ELP1: variants seen among roughly 807,000 people sequenced by gnomAD.
ELP1 encodes elongator complex protein 1.
ELP1 carries 131 observed loss-of-function variants against 183.2 expected under a neutral mutation model. The observed-to-expected ratio is 0.72, with a 90% CI of 0.62 to 0.83. The LOEUF (loss-of-function observed/expected upper bound fraction) is 0.83, where lower values mean the gene tolerates loss of function less well. Among genes scored for constraint, ELP1 ranks in the 40% least tolerant of loss-of-function variants. The probability of loss-of-function intolerance (pLI) is 0.00; values close to 1 mark genes in which losing one functional copy is unlikely to be tolerated. For missense variants in ELP1, 1,550 were observed against 1,594.9 expected (o/e 0.97, Z 0.48); for synonymous variants, 555 against 569.0 (o/e 0.98, Z 0.35).
chr9:108,917,668 G>A lies in ELP1; in HGVS notation c.743C>T (p.Pro248Leu), dbSNP rs1394468770. 5.6e-6 allele frequency: 9 copies of A among 1,610,596 alleles called. No individual in the cohort carries two copies. Among genetic ancestry groups the A allele is most frequent in the African/African-American group, 1.4e-5 (1 of 73,456 alleles). The part of the protein sequence containing the change: ...AGLGPALAWK[P>L]SGSLIASTQD... Reference sequence around the variant, plus strand: ...TGTAGATGCAATCAAACTGCCTGAGGGTCTTAAAGCAAACTCAGAGTGTTA... The same window carrying A: ...TGTAGATGCAATCAAACTGCCTGAGAGTCTTAAAGCAAACTCAGAGTGTTA... The change falls in exon 9 of 37, where the codon CCC becomes CTC. Residue 248 changes from proline to leucine, a missense_variant and splice_region_variant. Coordinates refer to ENST00000374647, the MANE Select transcript of ELP1 (RefSeq NM_003640.5).
intron 35 of ELP1, among the ~76,000 whole-genome samples, chr9:108,877,311 C>T (rs909620858): frequency 3.9e-5 from 6 of 152,160 alleles, no homozygotes; most frequent in Non-Finnish European, 8.8e-5. Flanking sequence ...CTTGTTTAGT[C>T]CTCTAATACT....
chr9:108,877,432 CTT>C (rs1475881333), intron 35 of ELP1, among the ~76,000 whole-genome samples: 1 of 152,172 alleles, frequency 6.6e-6, no homozygotes, highest in East Asian at 1.9e-4. Flanking sequence ...AATAAAAACT[CTT>C]AACAATAGAC....
intron 13 of ELP1, among the ~76,000 whole-genome samples, chr9:108,906,889 A>T (rs2132004650): frequency 6.6e-6 from 1 of 152,272 alleles, no homozygotes; most frequent in East Asian, 1.9e-4. Context: ...CCTCACATTA[A>T]ACTGACTGAC....
intron 10 of ELP1, among the ~76,000 whole-genome samples, 173 bp downstream of exon 10, chr9:108,916,031 A>G (rs866704107): frequency 6.6e-6 from 1 of 152,054 alleles, no homozygotes; most frequent in South Asian, 2.1e-4. Flanking sequence ...CAACCAATAC[A>G]TGACTGAAAT....
At chr9:108,903,466 A>C (rs1004033164) in intron 15 of ELP1, 97 bp downstream of exon 15, 1 of 883,734 alleles carries the variant, frequency 1.1e-6, no homozygotes, top group African/African-American at 1.6e-5. Flanking sequence ...AAAAGACCTG[A>C]CAATCAATAT....
intron 36 of ELP1, among the ~76,000 whole-genome samples, chr9:108,871,637 A>G (rs1052798550): frequency 1.1e-4 from 16 of 152,198 alleles, no homozygotes; most frequent in Non-Finnish European, 1.8e-4. Flanking sequence ...TTTTCCTATT[A>G]TCCAGACATT....
rs1164234461 is a variant in ELP1 at position 108,934,071 on chromosome 9, G to A, written c.-263C>T. ...GGGGAAAACGCTGAAGCGCTGCAAAGAAGCCAGCGACTCAATGGGTGCGTC... is the reference window on the plus strand; with the variant it reads ...GGGGAAAACGCTGAAGCGCTGCAAAAAAGCCAGCGACTCAATGGGTGCGTC... On this transcript the variant is annotated 5_prime_UTR_variant, in exon 1 of 37. Transcript: ENST00000374647. 3 of 186,328 alleles carry A rather than the reference G, an allele frequency of 1.6e-5. No individual in the cohort carries two copies. The highest frequency in any genetic ancestry group is 7.2e-5 in the African/African-American group (3 of 41,610). 11.5% of individuals were successfully genotyped at this position (186,328 alleles called of 1,614,324 possible).
chr9:108,889,672 C>G lies in ELP1; in HGVS notation c.3161-279G>C. Reference sequence around the variant, plus strand: ...GGTATCTCTCACTAAACCACTTCGTCCCTTAACAGTAAGAGACCACTATTT... The same window carrying G: ...GGTATCTCTCACTAAACCACTTCGTGCCTTAACAGTAAGAGACCACTATTT... On this transcript the variant is annotated intron_variant, in intron 28 of 36. Transcript: ENST00000374647. 3 of 481,886 alleles carry G rather than the reference C, an allele frequency of 6.2e-6. No individual in the cohort carries two copies. The South Asian group carries it at 6.4e-5, about 10-fold the overall frequency. 29.9% of individuals were successfully genotyped at this position (481,886 alleles called of 1,614,324 possible). A position where few individuals can be genotyped will look rare whatever the true frequency, so the allele number is the denominator to read the frequency against.
intron 10 of ELP1, among the ~76,000 whole-genome samples, chr9:108,914,725 A>G (rs1829366922): frequency 6.6e-6 from 1 of 152,066 alleles, no homozygotes; most frequent in African/African-American, 2.4e-5. Flanking sequence ...CTCCAGGTTC[A>G]CACCATTCTC....
At chr9:108,923,249 G>C (rs930517074) in intron 5 of ELP1, among the ~76,000 whole-genome samples, 4 of 152,130 alleles carry the variant, frequency 2.6e-5, no homozygotes, top group African/African-American at 9.7e-5. Flanking sequence ...GCACACACCT[G>C]TGGTCCCAGC....
intron 35 of ELP1, among the ~76,000 whole-genome samples, chr9:108,876,065 G>A (rs1041429701): frequency 1.3e-5 from 2 of 152,110 alleles, no homozygotes; most frequent in African/African-American, 4.8e-5. Flanking sequence ...TTGAGCCCAG[G>A]AGTTGTTCAA....
At chr9:108,922,962 CATGAA>C in intron 5 of ELP1, 35 bp from the exon 6 acceptor site, 1 of 1,484,994 alleles carries the variant, frequency 6.7e-7, no homozygotes, top group Non-Finnish European at 9.4e-7. Flanking sequence ...TAATAAGCCA[CATGAA>C]ATGAAACAAA....
In ELP1 at chr9:108,900,268, C is replaced by T; in HGVS notation, c.2122G>A (p.Val708Ile). 1.2e-6 allele frequency: 2 copies of T among 1,612,710 alleles called. No individual in the cohort carries two copies. The highest frequency in any genetic ancestry group is 1.7e-6 in the Non-Finnish European group (2 of 1,178,658). The change falls in exon 19 of 37, where the codon GTA becomes ATA. Residue 708 changes from valine (V) to isoleucine (I), a missense_variant. Physicochemically the swap from Val to Ile is conservative, Grantham distance 29. Coordinates refer to ENST00000374647, the MANE Select transcript of ELP1 (RefSeq NM_003640.5). ...CTGAAAAACCAGCTTACCTGTAATA[C>T]AAGCTTTGTGTCCTGGGGCACAACA... is the stretch of plus-strand genomic sequence containing the variant. The part of the protein sequence containing the change: ...VTVVPQDTKL[V>I]LQMPRGNLEV...
intron 28 of ELP1, 96 bp from the exon 29 acceptor site, chr9:108,889,489 T>C (rs1828243817): frequency 1.8e-6 from 2 of 1,137,002 alleles, no homozygotes; most frequent in Admixed American, 1.7e-5. Context: ...TGAAACTATG[T>C]ACTTTCTGAA....
chr9:108,898,418 T>A, intron 22 of ELP1, 84 bp downstream of exon 22: 4 of 898,616 alleles, frequency 4.5e-6, no homozygotes, highest in Non-Finnish European at 6.9e-6. Flanking sequence ...GAATTTTTCT[T>A]CTCTAGCTAT....
intron 11 of ELP1, 86 bp from the exon 12 acceptor site, chr9:108,911,266 CAAT>C (rs760780784): frequency 2.3e-5 from 28 of 1,220,316 alleles, no homozygotes; most frequent in Non-Finnish European, 3.1e-5. Context: ...TATATCTAAA[CAAT>C]AATGGCAATT....
At chr9:108,914,948 C>G (rs1361450125) in intron 10 of ELP1, among the ~76,000 whole-genome samples, 1 of 152,018 alleles carries the variant, frequency 6.6e-6, no homozygotes, top group Non-Finnish European at 1.5e-5. Flanking sequence ...ACACTTTTAA[C>G]AAAAACAAGA....
At chr9:108,897,338 T>C in intron 22 of ELP1, 53 bp from the exon 23 acceptor site, 10 of 1,593,776 alleles carry the variant, frequency 6.3e-6, no homozygotes, top group South Asian at 2.2e-5. Context: ...AGCCCAGCGA[T>C]CAAATTACTA....
At chr9:108,876,994 G>T (rs1487110731) in intron 35 of ELP1, among the ~76,000 whole-genome samples, 1 of 152,176 alleles carries the variant, frequency 6.6e-6, no homozygotes, top group African/African-American at 2.4e-5. Flanking sequence ...GCCTCCCAAA[G>T]TGCTGGGATT....
Sources: allele counts gnomAD v4.1 joint callset (sites outside exome capture counted in the v4.1 genomes callset), GRCh38; gene constraint gnomAD v4.1.1; transcripts MANE v1.5; gene names NCBI Gene and HGNC (gene_info 2026-07-23, HGNC 2026-07-21).